The following ZMYND11 variants were observed in gnomAD, a reference collection of about 807,000 sequenced individuals.
ZMYND11 encodes zinc finger MYND-type containing 11.
ZMYND11 carries 9 observed loss-of-function variants against 84.9 expected under a neutral mutation model. The observed-to-expected ratio is 0.11, with a 90% CI of 0.06 to 0.18. The LOEUF (loss-of-function observed/expected upper bound fraction) is 0.18, where lower values mean the gene tolerates loss of function less well. Ranked by LOEUF, ZMYND11 falls within the 10% of genes least tolerant of loss-of-function variation. The pLI is 1.00. For missense variants in ZMYND11, 409 were observed against 761.0 expected (o/e 0.54, Z 5.44); for synonymous variants, 250 against 244.1 (o/e 1.02, Z -0.23).
intron 4 of ZMYND11, among the ~76,000 whole-genome samples, chr10:222,450 G>A (rs952916957): frequency 6.6e-6 from 1 of 152,144 alleles, no homozygotes; most frequent in African/African-American, 2.4e-5. Context: ...TGCCAAATAA[G>A]TCATGTCAGT....
chr10:141,803 A>G (rs1554754044), intron 1 of ZMYND11, among the ~76,000 whole-genome samples: 1 of 152,212 alleles, frequency 6.6e-6, no homozygotes, highest in African/African-American at 2.4e-5. Flanking sequence ...TTTAAAATAT[A>G]GGTTAAGAGC....
At chr10:144,376 A>G (rs1838211946) in intron 1 of ZMYND11, among the ~76,000 whole-genome samples, 1 of 151,898 alleles carries the variant, frequency 6.6e-6, no homozygotes, top group Admixed American at 6.6e-5. Context: ...ATGCCACCAC[A>G]CCTGGCTAAT....
intron 1 of ZMYND11, among the ~76,000 whole-genome samples, chr10:150,595 G>A (rs1358968821): frequency 1.3e-5 from 2 of 152,144 alleles, no homozygotes; most frequent in Admixed American, 1.3e-4. Context: ...CTGGAGGCTC[G>A]AACTGGGTGG....
chr10:233,179 TG>T, intron 4 of ZMYND11, among the ~76,000 whole-genome samples: 1 of 152,158 alleles, frequency 6.6e-6, no homozygotes, highest in East Asian at 1.9e-4. Flanking sequence ...TCAGAATTTC[TG>T]GGGGCGGCAC....
intron 1 of ZMYND11, among the ~76,000 whole-genome samples, chr10:170,712 G>C (rs1277429224): frequency 6.6e-6 from 1 of 152,048 alleles, no homozygotes; most frequent in Non-Finnish European, 1.5e-5. Flanking sequence ...TAAGAAAGGA[G>C]AGAAAATTGA....
chr10:200,358 GTA>G, intron 2 of ZMYND11, among the ~76,000 whole-genome samples: 1 of 141,550 alleles, frequency 7.1e-6, no homozygotes, highest in South Asian at 2.2e-4. Flanking sequence ...ACATATATGT[GTA>G]TATATGTGTA....
intron 4 of ZMYND11, among the ~76,000 whole-genome samples, chr10:228,401 G>A (rs1948473470): frequency 6.6e-6 from 1 of 152,136 alleles, no homozygotes; most frequent in Non-Finnish European, 1.5e-5. Context: ...GTGATAGTTG[G>A]GGTGTTTCCT....
intron 2 of ZMYND11, 136 bp from the exon 3 acceptor site, chr10:209,747 TTCTTTA>T (rs59375762): frequency 0.65 from 495,247 of 759,192 alleles, 162,770 homozygotes; most frequent in East Asian, 0.8. Context: ...ATCGTGTTCG[TTCTTTA>T]TCTTGTTCTT....
chr10:203,376 C>T (rs545579756), intron 2 of ZMYND11, among the ~76,000 whole-genome samples: 64 of 151,716 alleles, frequency 4.2e-4, no homozygotes, highest in Admixed American at 6.6e-4. Context: ...TGTAAAATAT[C>T]TAGGAAAAAC....
Position 231,759 on chromosome 10 carries a change from G to A in ZMYND11, c.439-5079G>A, listed in dbSNP as rs116945723. On this transcript the variant is annotated intron_variant, in intron 4 of 14. Transcript: ENST00000381604. ...GGCTTAAGAATCCCTTGTTCAAGAT[G>A]TTCAAATTTTCTGTTATTTTTTTCT... 3.5e-3 allele frequency among the ~76,000 whole-genome samples: 534 copies of A among 152,318 alleles called. 7 individuals carry two copies. The highest frequency in any genetic ancestry group is 0.034 in the Middle Eastern group (10 of 294).
intron 3 of ZMYND11, among the ~76,000 whole-genome samples, chr10:212,172 A>C (rs985423016): frequency 6.6e-6 from 1 of 152,018 alleles, no homozygotes; most frequent in Non-Finnish European, 1.5e-5. Context: ...TTCCTCCTCA[A>C]GTTGAAGTTT....
chr10:178,727 A>C (rs1847198028), intron 1 of ZMYND11, among the ~76,000 whole-genome samples: 1 of 152,202 alleles, frequency 6.6e-6, no homozygotes, highest in Non-Finnish European at 1.5e-5. Flanking sequence ...TAATAGTGTG[A>C]GAATATTCAG....
At chr10:140,549 T>C (rs946979456) in intron 1 of ZMYND11, among the ~76,000 whole-genome samples, 3 of 152,232 alleles carry the variant, frequency 2.0e-5, no homozygotes, top group Admixed American at 1.3e-4. Flanking sequence ...TGGCAAATTA[T>C]TAGACATAAA....
intron 1 of ZMYND11, among the ~76,000 whole-genome samples, chr10:147,292 A>G (rs1406013408): frequency 6.6e-6 from 1 of 152,158 alleles, no homozygotes; most frequent in African/African-American, 2.4e-5. Context: ...TGTGTTGAAT[A>G]GAAGTGTTGA....
At chr10:207,808 T>C (rs2131227866) in intron 2 of ZMYND11, among the ~76,000 whole-genome samples, 1 of 152,284 alleles carries the variant, frequency 6.6e-6, no homozygotes, top group African/African-American at 2.4e-5. Context: ...TTAAAGTTCA[T>C]ATGGAACCAA....
chr10:140,456 A>G (rs1837251472), intron 1 of ZMYND11, among the ~76,000 whole-genome samples: 2 of 152,200 alleles, frequency 1.3e-5, no homozygotes, highest in South Asian at 2.1e-4. Context: ...TATCAAAATT[A>G]TTTGCAAATG....
chr10:167,317 A>C (rs558421081), intron 1 of ZMYND11, among the ~76,000 whole-genome samples: 8 of 152,254 alleles, frequency 5.3e-5, no homozygotes, highest in Admixed American at 5.2e-4. Context: ...TGTACACTTC[A>C]AATGGGTGAA....
chr10:247,250 A>C, intron 11 of ZMYND11, 148 bp from the exon 12 acceptor site: 1 of 949,770 alleles, frequency 1.1e-6, no homozygotes, highest in Non-Finnish European at 1.6e-6. Flanking sequence ...CCAGAACAGT[A>C]AATTAAGTCA....
intron 2 of ZMYND11, among the ~76,000 whole-genome samples, chr10:184,421 A>G (rs188808224): frequency 6.6e-6 from 1 of 151,608 alleles, no homozygotes; most frequent in African/African-American, 2.4e-5. Flanking sequence ...GATTTTTAGT[A>G]TTTTTCCTTC....
Sources: gnomAD v4.1 joint callset for allele counts (sites outside exome capture counted in the v4.1 genomes callset) on GRCh38, gnomAD v4.1.1 for gene constraint, MANE v1.5 for transcripts, NCBI Gene and HGNC (gene_info 2026-07-23, HGNC 2026-07-21) for gene names.